The following EPB41L4B variants were observed in gnomAD, a reference collection of about 807,000 sequenced individuals.
EPB41L4B encodes the protein band 4.1-like protein 4B.
In EPB41L4B, 30 loss-of-function variants were observed where a neutral mutation model predicts 112.5. That is an observed-to-expected ratio of 0.27 (90% confidence interval 0.20 to 0.36). The LOEUF (loss-of-function observed/expected upper bound fraction) is 0.36, where lower values mean the gene tolerates loss of function less well. Among genes scored for constraint, EPB41L4B ranks in the 10% least tolerant of loss-of-function variants. The probability of loss-of-function intolerance (pLI) is 1.00; values close to 1 mark genes in which losing one functional copy is unlikely to be tolerated. For missense variants in EPB41L4B, 1,024 were observed against 1,133.3 expected, an observed-to-expected ratio of 0.90 and a Z score of 1.38; for synonymous variants, 408 against 439.7, an observed-to-expected ratio of 0.93 and a Z score of 0.90.
At chr9:109,215,061 GAC>G (rs1833313003) in intron 16 of EPB41L4B, among the ~76,000 whole-genome samples, 1 of 152,172 alleles carries the variant, frequency 6.6e-6, no homozygotes, top group South Asian at 2.1e-4. Flanking sequence ...CAGCTCAGCT[GAC>G]ACAGAGTTGT....
intron 1 of EPB41L4B, among the ~76,000 whole-genome samples, chr9:109,295,837 GTTTT>G (rs3838723): frequency 6.7e-6 from 1 of 149,804 alleles, no homozygotes; most frequent in Admixed American, 6.7e-5. Flanking sequence ...CTTTTTTTCT[GTTTT>G]TTTTTCTTTT....
At position 109,189,636 on chromosome 9, in the gene EPB41L4B, A is replaced by AT. The variant is rs540230809; in HGVS notation, c.2301+2641dup. On this transcript the variant is annotated intron_variant, in intron 22 of 25. Coordinates refer to ENST00000374566, the MANE Select transcript of EPB41L4B (RefSeq NM_019114.5). ...TAGTTCTTTTTCTTTTTATTTATTT[A>AT]TTTTTTTTGGAGACGGAGTTTCACT... 4.3e-3 allele frequency among the ~76,000 whole-genome samples: 652 copies of AT among 151,904 alleles called. 2 individuals are homozygous for AT. Among genetic ancestry groups the AT allele is most frequent in the Non-Finnish European group, 6.2e-3 (419 of 67,930 alleles).
intron 1 of EPB41L4B, among the ~76,000 whole-genome samples, chr9:109,305,631 A>C (rs575111354): frequency 3.3e-5 from 5 of 151,300 alleles, no homozygotes; most frequent in African/African-American, 7.3e-5. Flanking sequence ...AAATCAAAAT[A>C]AAAATAAAAG....
chr9:109,258,760 G>A (rs1835078571), intron 6 of EPB41L4B, among the ~76,000 whole-genome samples: 1 of 152,168 alleles, frequency 6.6e-6, no homozygotes, highest in Non-Finnish European at 1.5e-5. Flanking sequence ...GCATCCAGGG[G>A]GAAAGTAGGA....
chr9:109,288,494 G>A (rs918945243), intron 1 of EPB41L4B, among the ~76,000 whole-genome samples: 1 of 152,056 alleles, frequency 6.6e-6, no homozygotes, highest in African/African-American at 2.4e-5. Flanking sequence ...GCCGAGGCGG[G>A]CGGATCACAA....
In EPB41L4B at chr9:109,320,215, C is replaced by A; in HGVS notation, c.232G>T (p.Ala78Ser). The change falls in exon 1 of 26, where the codon GCC becomes TCC. Residue 78 changes from alanine to serine, a missense_variant. By Grantham distance (99) the Ala-to-Ser change is moderately conservative. Transcript: ENST00000374566. The stretch of plus-strand genomic sequence containing the variant: ...TAGAGGGTGGCCTTGGCGGCGCCGG[C>A]GGCGGAGATGTGCACGGCCGCGCCG... Reference protein sequence around the residue: ...TGGAAVHISAAGAAKATLYCR... With the variant: ...TGGAAVHISASGAAKATLYCR... 9 of 1,424,390 alleles carry A rather than the reference C, an allele frequency of 6.3e-6. No homozygotes were observed. The highest frequency in any genetic ancestry group is 8.3e-6 in the Non-Finnish European group (9 of 1,084,062). The allele number at this position is 1,424,390 out of a possible 1,614,324, so 88.2% of individuals were successfully genotyped here.
chr9:109,240,049 A>C (rs886079099), intron 15 of EPB41L4B: 2 of 985,246 alleles, frequency 2.0e-6, no homozygotes. Context: ...CTGAATGCTC[A>C]CCTTCAGACT....
At chr9:109,205,142 C>T (rs543990710) in intron 18 of EPB41L4B, among the ~76,000 whole-genome samples, 2 of 152,314 alleles carry the variant, frequency 1.3e-5, no homozygotes, top group South Asian at 4.1e-4. Flanking sequence ...GGGACTGTCC[C>T]ATGGGATTTC....
At chr9:109,184,494 C>T (rs772587864) in intron 23 of EPB41L4B, among the ~76,000 whole-genome samples, 56 of 152,264 alleles carry the variant, frequency 3.7e-4, no homozygotes, top group Non-Finnish European at 7.1e-4. Flanking sequence ...GCTGGGATTA[C>T]AGGCGTGAGC....
intron 1 of EPB41L4B, among the ~76,000 whole-genome samples, chr9:109,288,672 G>A (rs1032077290): frequency 4.7e-5 from 6 of 128,844 alleles, no homozygotes; most frequent in Admixed American, 9.4e-5. Flanking sequence ...GCAGTGAGCC[G>A]AGATCGTGCC....
intron 14 of EPB41L4B, among the ~76,000 whole-genome samples, 167 bp from the exon 15 acceptor site, chr9:109,243,849 C>T (rs896852464): frequency 2.0e-5 from 3 of 152,224 alleles, no homozygotes; most frequent in Non-Finnish European, 4.4e-5. Context: ...TCACGTTTCC[C>T]CCTCTGACAA....
At chr9:109,247,634 C>G (rs927905857) in intron 14 of EPB41L4B, 122 bp downstream of exon 14, 4 of 607,206 alleles carry the variant, frequency 6.6e-6, no homozygotes, top group African/African-American at 3.8e-5. Context: ...TTCTCAAAAT[C>G]TGATTACAAA....
At chr9:109,247,818 A>G in intron 13 of EPB41L4B, 29 bp from the exon 14 acceptor site, 1 of 1,451,738 alleles carries the variant, frequency 6.9e-7, no homozygotes, top group South Asian at 1.4e-5. Flanking sequence ...AAAAAACAGA[A>G]AAAAAAAGAA....
intron 2 of EPB41L4B, among the ~76,000 whole-genome samples, chr9:109,276,680 CAG>C (rs1835843639): frequency 6.6e-6 from 1 of 152,196 alleles, no homozygotes; most frequent in African/African-American, 2.4e-5. Flanking sequence ...TGCACAGTGA[CAG>C]GGCACTGGCG....
intron 1 of EPB41L4B, among the ~76,000 whole-genome samples, chr9:109,303,096 GA>G (rs1349934920): frequency 2.1e-5 from 3 of 143,726 alleles, no homozygotes; most frequent in Non-Finnish European, 4.6e-5. Context: ...AAAAAAAAAA[GA>G]GAAAAGAAAA....
chr9:109,263,230 T>C (rs1203071216), intron 5 of EPB41L4B, 128 bp from the exon 6 acceptor site: 5 of 678,394 alleles, frequency 7.4e-6, no homozygotes, highest in Admixed American at 5.5e-5. Context: ...GTCATATTTT[T>C]GCTGTCTACA....
chr9:109,180,693 T>C (rs988943581), intron 24 of EPB41L4B, among the ~76,000 whole-genome samples: 5 of 152,072 alleles, frequency 3.3e-5, no homozygotes, highest in African/African-American at 1.2e-4. Context: ...CCATCATCCA[T>C]CTCGTAAGAC....
intron 2 of EPB41L4B, among the ~76,000 whole-genome samples, chr9:109,270,047 T>C (rs1019339465): frequency 1.3e-5 from 2 of 152,086 alleles, no homozygotes; most frequent in African/African-American, 4.8e-5. Flanking sequence ...CGCAGCAGGA[T>C]GTGTATCTCA....
In EPB41L4B at chr9:109,207,995, G is replaced by A; in HGVS notation, c.1807C>T (p.Pro603Ser). ...TTACACTTCACATGATCCGCAACAG[G>A]GGAAGGCAAAAGTGGAGTCTGAAGA... Reference protein sequence around the residue: ...KTLQTPLLPSPVADHVKCNIL... With the variant: ...KTLQTPLLPSSVADHVKCNIL... Residue 603 changes from proline to serine, a missense_variant, in exon 18 of 26, where the codon CCT becomes TCT. Coordinates refer to ENST00000374566, the MANE Select transcript of EPB41L4B (RefSeq NM_019114.5). 1.9e-6 allele frequency: 3 copies of A among 1,614,110 alleles called. No individual in the cohort carries two copies. The highest frequency in any genetic ancestry group is 2.5e-6 in the Non-Finnish European group (3 of 1,180,022).
Sources: allele counts gnomAD v4.1 joint callset (sites outside exome capture counted in the v4.1 genomes callset), GRCh38; gene constraint gnomAD v4.1.1; transcripts MANE v1.5; gene names NCBI Gene and HGNC (gene_info 2026-07-23, HGNC 2026-07-21).